The following FAT3 variants were observed in gnomAD, a reference collection of about 807,000 sequenced individuals.
FAT3 encodes FAT atypical cadherin 3, also known as protocadherin Fat 3.
FAT3 carries 95 observed loss-of-function variants against 310.2 expected under a neutral mutation model. The observed-to-expected ratio is 0.31, with a 90% CI of 0.26 to 0.36. FAT3 has a LOEUF of 0.36. FAT3 is among the 10% of genes least tolerant of loss of function. The pLI, the probability that FAT3 is intolerant of heterozygous loss-of-function variation, is 1.00. For synonymous variants in FAT3, 2,314 were observed against 2,192.9 expected, an observed-to-expected ratio of 1.06 and a Z score of -1.54; for missense variants, 5,408 against 5,715.6, an observed-to-expected ratio of 0.95 and a Z score of 1.74.
Position 92,354,896 on chromosome 11 carries a change from T to C in FAT3, c.2784T>C (p.Asp928=), listed in dbSNP as rs779970957. 6.2e-7 allele frequency: 1 copy of C among 1,613,916 alleles called. No homozygotes were observed. The highest frequency in any genetic ancestry group is 1.1e-5 in the South Asian group (1 of 91,080). The change falls in exon 2 of 28, where the codon GAT becomes GAC. Residue 928 remains aspartate (D), a synonymous_variant. Transcript: ENST00000525166. ...SVVTLKVFLD[D]VNDCSPAFIP... is the part of the protein sequence containing the mutation. ...TCACTCTTAAAGTTTTTTTAGATGA[T>C]GTCAATGACTGCTCCCCAGCTTTCA...
At chr11:92,771,647 G>T (rs1468236034) in intron 6 of FAT3, among the ~76,000 whole-genome samples, 1 of 151,984 alleles carries the variant, frequency 6.6e-6, no homozygotes, top group African/African-American at 2.4e-5. Context: ...TCTGCTCTTG[G>T]TCTGTCTCCC....
intron 2 of FAT3, among the ~76,000 whole-genome samples, chr11:92,495,061 G>GT (rs531040938): frequency 4.0e-5 from 6 of 151,738 alleles, no homozygotes; most frequent in Admixed American, 6.6e-5. Flanking sequence ...ATGTAGCGTG[G>GT]TTTTTTTTCT....
chr11:92,515,878 A>T (rs1005605049), intron 2 of FAT3, among the ~76,000 whole-genome samples: 1 of 152,104 alleles, frequency 6.6e-6, no homozygotes, highest in African/African-American at 2.4e-5. Context: ...TGGAGATGAT[A>T]TGATCATCTA....
intron 2 of FAT3, among the ~76,000 whole-genome samples, chr11:92,437,752 G>A (rs1046408138): frequency 2.0e-5 from 3 of 152,154 alleles, no homozygotes; most frequent in African/African-American, 4.8e-5. Context: ...TGTAGTGCAT[G>A]AATCGAAGTA....
intron 2 of FAT3, among the ~76,000 whole-genome samples, chr11:92,518,869 T>C (rs1261942240): frequency 6.6e-6 from 1 of 152,110 alleles, no homozygotes; most frequent in African/African-American, 2.4e-5. Flanking sequence ...ATACCGAAAC[T>C]ATAAAGCATT....
At chr11:92,564,508 A>T (rs968262629) in intron 3 of FAT3, among the ~76,000 whole-genome samples, 1 of 151,736 alleles carries the variant, frequency 6.6e-6, no homozygotes, top group Non-Finnish European at 1.5e-5. Flanking sequence ...GATACCCAGG[A>T]ATTGAACTCA....
chr11:92,561,706 G>C (rs1003203308), intron 3 of FAT3, among the ~76,000 whole-genome samples: 1 of 151,996 alleles, frequency 6.6e-6, no homozygotes, highest in African/African-American at 2.4e-5. Flanking sequence ...GCTCACTGCA[G>C]CCTCCACCTC....
In FAT3 at chr11:92,843,945, A is replaced by G; in HGVS notation, c.10578A>G (p.Ser3526=). The change falls in exon 19 of 28, where the codon TCA becomes TCG. Residue 3526 remains serine, a synonymous_variant. Transcript: ENST00000525166. The stretch of plus-strand genomic sequence containing the variant: ...CTTGGTTGTTTTAGGCAAAGGATTC[A>G]GGCAAACCCCAGCAAGTTTCTCACA... ...EYVLCVQAKD[S]GKPQQVSHTY... is the part of the protein sequence containing the mutation. 1.2e-6 allele frequency: 2 copies of G among 1,600,848 alleles called. No homozygotes were observed. Among genetic ancestry groups the G allele is most frequent in the Non-Finnish European group, 1.7e-6 (2 of 1,171,648 alleles).
intron 1 of FAT3, among the ~76,000 whole-genome samples, chr11:92,280,344 A>T (rs1373846589): frequency 2.0e-5 from 3 of 152,214 alleles, no homozygotes; most frequent in African/African-American, 4.8e-5. Context: ...AAAAGTTTTT[A>T]AAAAATGCTC....
chr11:92,456,476 G>A lies in FAT3; in HGVS notation c.3293-68158G>A, dbSNP rs566429194. ...CCAGTGACTCTGTTAAAAAAATCAC[G>A]CAAAACAGCACCACAGAAACTTTTG... On this transcript the variant is annotated intron_variant, in intron 2 of 27. Transcript: ENST00000525166. Among the ~76,000 whole-genome samples the A allele has an allele frequency of 2.6e-5, 4 of 152,044 alleles. No individual in the cohort carries two copies. In the South Asian group the frequency reaches 6.2e-4, roughly 24 times the overall value.
At position 92,224,838 on chromosome 11, in the gene FAT3, C is replaced by G. The variant is rs919004443; in HGVS notation, c.-354C>G. 2.0e-4 allele frequency among the ~76,000 whole-genome samples: 31 copies of G among 152,114 alleles called. No individual in the cohort carries two copies. Among genetic ancestry groups the G allele is most frequent in the African/African-American group, 7.5e-4 (31 of 41,508 alleles). On this transcript the variant is annotated 5_prime_UTR_variant, in exon 1 of 28. Coordinates refer to ENST00000525166, the MANE Select transcript of FAT3 (RefSeq NM_001367949.2). ...CGAGCAGTAGCGGCGGCGGCTGCAG[C>G]TCGGAGCAGACAGGAGAGCCGGCGC...
chr11:92,644,128 C>A (rs1438614705), intron 3 of FAT3, among the ~76,000 whole-genome samples: 1 of 152,190 alleles, frequency 6.6e-6, no homozygotes, highest in Non-Finnish European at 1.5e-5. Flanking sequence ...AGGTGGCAGC[C>A]CCAGAGCCAT....
intron 3 of FAT3, among the ~76,000 whole-genome samples, chr11:92,613,706 C>G (rs1940674197): frequency 6.6e-6 from 1 of 152,130 alleles, no homozygotes; most frequent in Non-Finnish European, 1.5e-5. Context: ...GGCAACTGTA[C>G]TGGGAAGCTG....
intron 2 of FAT3, among the ~76,000 whole-genome samples, chr11:92,431,794 A>C (rs1324798953): frequency 2.0e-5 from 3 of 152,184 alleles, no homozygotes; most frequent in African/African-American, 7.2e-5. Context: ...GGTTTGTCAA[A>C]GATCAGATGG....
chr11:92,389,288 G>C (rs1220913663), intron 2 of FAT3, among the ~76,000 whole-genome samples: 2 of 150,410 alleles, frequency 1.3e-5, no homozygotes, highest in African/African-American at 5.0e-5. Flanking sequence ...AAACTAGGAA[G>C]TCTAAGACCA....
At chr11:92,389,699 GA>G (rs890671134) in intron 2 of FAT3, among the ~76,000 whole-genome samples, 1 of 152,092 alleles carries the variant, frequency 6.6e-6, no homozygotes, top group Non-Finnish European at 1.5e-5. Context: ...TAGAAGTGAG[GA>G]AAATGGACTT....
At chr11:92,510,442 T>C (rs1338909049) in intron 2 of FAT3, among the ~76,000 whole-genome samples, 2 of 152,192 alleles carry the variant, frequency 1.3e-5, no homozygotes, top group African/African-American at 4.8e-5. Flanking sequence ...GTGCAAGCTG[T>C]ACATGTCACT....
At chr11:92,487,655 A>G (rs964117268) in intron 2 of FAT3, among the ~76,000 whole-genome samples, 8 of 152,244 alleles carry the variant, frequency 5.3e-5, no homozygotes, top group Non-Finnish European at 1.0e-4. Context: ...ACTTGCACAA[A>G]GTCGTACAAT....
rs181484443 is a variant in FAT3, at chr11:92,427,690, G to A, written c.3292+72286G>A. Among the ~76,000 whole-genome samples, 27 of 152,186 alleles carry A rather than the reference G, an allele frequency of 1.8e-4. 1 individual carries two copies. The South Asian group carries it at 2.1e-3, about 12-fold the overall frequency. ...TTATGTTTATTGATTTGCATATACC[G>A]AACTAGCCTTGCATCCCAGGGATGA... On this transcript the variant is annotated intron_variant, in intron 2 of 27. Coordinates refer to ENST00000525166, the MANE Select transcript of FAT3 (RefSeq NM_001367949.2).
Sources: allele counts gnomAD v4.1 joint callset (sites outside exome capture counted in the v4.1 genomes callset), GRCh38; gene constraint gnomAD v4.1.1; transcripts MANE v1.5; gene names NCBI Gene and HGNC (gene_info 2026-07-23, HGNC 2026-07-21).